The following RASL12 variants were observed in gnomAD, a reference collection of about 807,000 sequenced individuals.
RASL12 encodes ras-like protein family member 12.
In RASL12, 16 loss-of-function variants were observed where a neutral mutation model predicts 22.9. The ratio of observed to expected loss-of-function variants is 0.70; its 90% CI spans 0.47 to 1.06. The LOEUF is 1.06. RASL12 is among the 50% of genes least tolerant of loss of function. The pLI, the probability that RASL12 is intolerant of heterozygous loss-of-function variation, is 0.00. For missense variants in RASL12, 306 were observed against 353.1 expected (o/e 0.87, Z 1.07); for synonymous variants, 159 against 152.2 (o/e 1.04, Z -0.33).
At position 65,054,495 on chromosome 15, in the gene RASL12, T is replaced by C; in HGVS notation, c.*404A>G. The C allele has an allele frequency of 1.0e-6, 1 of 1,002,966 alleles. No homozygotes were observed. The highest frequency in any genetic ancestry group is 1.2e-6 in the Non-Finnish European group (1 of 841,486). 62.1% of individuals were successfully genotyped at this position (1,002,966 alleles called of 1,614,324 possible). On this transcript the variant is annotated 3_prime_UTR_variant, in exon 5 of 5. Coordinates refer to ENST00000220062, the MANE Select transcript of RASL12 (RefSeq NM_016563.4). ...GACCCCAGGCTGTCATTCCGCAGGCTGTTCTCGGGCCTGACATTGACAGAG... is the reference window on the plus strand; with the variant it reads ...GACCCCAGGCTGTCATTCCGCAGGCCGTTCTCGGGCCTGACATTGACAGAG...
chr15:65,068,326 C>G, upstream of RASL12: 1 of 982,792 alleles, frequency 1.0e-6, no homozygotes, highest in Non-Finnish European at 1.2e-6. The surrounding 1 kb of genome is among the most constrained non-coding windows in gnomAD (Gnocchi z 4.2). Flanking sequence ...TCCCTTTGTT[C>G]TACCAAGCCA....
intron 1 of RASL12, among the ~76,000 whole-genome samples, chr15:65,075,359 CT>C (rs971618421): frequency 3.9e-5 from 6 of 152,242 alleles, no homozygotes; most frequent in African/African-American, 1.4e-4. Context: ...GCACTACCCC[CT>C]GCTCCACGGT....
Position 65,054,606 on chromosome 15 carries a change from G to C in RASL12, c.*293C>G. 8.0e-7 allele frequency: 1 copy of C among 1,256,270 alleles called. No homozygotes were observed. Among genetic ancestry groups the C allele is most frequent in the Non-Finnish European group, 1.0e-6 (1 of 994,168 alleles). 77.8% of individuals were successfully genotyped at this position (1,256,270 alleles called of 1,614,324 possible). A position where few individuals can be genotyped will look rare whatever the true frequency, so the allele number is the denominator to read the frequency against. ...GGCTGATGGCAGCAGGATAGACACTGCAATTTCTTCCTACTTAAGGCTGAC... is the reference window on the plus strand; with the variant it reads ...GGCTGATGGCAGCAGGATAGACACTCCAATTTCTTCCTACTTAAGGCTGAC... On this transcript the variant is annotated 3_prime_UTR_variant, in exon 5 of 5. Transcript: ENST00000220062.
At position 65,054,698 on chromosome 15, in the gene RASL12, A is replaced by C; in HGVS notation, c.*201T>G. The C allele has an allele frequency of 7.1e-7, 1 of 1,399,414 alleles. No individual in the cohort carries two copies. Among genetic ancestry groups the C allele is most frequent in the South Asian group, 1.7e-5 (1 of 57,346 alleles). 86.7% of individuals were successfully genotyped at this position (1,399,414 alleles called of 1,614,324 possible). A position where few individuals can be genotyped will look rare whatever the true frequency, so the allele number is the denominator to read the frequency against. The stretch of plus-strand genomic sequence containing the variant: ...GCCACAGACGCGGTGGTTACCATGA[A>C]GACCAAGGCCTGGAGGGAACAGAAG... On this transcript the variant is annotated 3_prime_UTR_variant, in exon 5 of 5. Transcript: ENST00000220062.
intron 2 of RASL12, among the ~76,000 whole-genome samples, chr15:65,059,952 G>A (rs75627649): frequency 0.055 from 8,401 of 152,314 alleles, 762 homozygotes; most frequent in African/African-American, 0.19. Flanking sequence ...CAGCAGGGGA[G>A]TCTAGTGTAG....
At position 65,059,453 on chromosome 15, in the gene RASL12, T is replaced by C. The variant is rs372693851; in HGVS notation, c.161-35A>G. 1.8e-4 allele frequency: 283 copies of C among 1,545,988 alleles called. 2 individuals are homozygous for C. In the South Asian group the frequency reaches 2.8e-3, roughly 15 times the overall value. Reference sequence around the variant, plus strand: ...AGATGGTTAGCCAGGTCAGACACAGTGCCTTGGGTGTAAGTTTGAGCTTCC... The same window carrying C: ...AGATGGTTAGCCAGGTCAGACACAGCGCCTTGGGTGTAAGTTTGAGCTTCC... On this transcript the variant is annotated intron_variant, in intron 2 of 4. Coordinates refer to ENST00000220062, the MANE Select transcript of RASL12 (RefSeq NM_016563.4).
chr15:65,053,477 G>T lies in RASL12; in HGVS notation c.*1422C>A, dbSNP rs1215407690. 8.7e-7 allele frequency: 1 copy of T among 1,146,820 alleles called. No individual in the cohort carries two copies. Among genetic ancestry groups the T allele is most frequent in the East Asian group, 6.0e-5 (1 of 16,800 alleles). 71.0% of individuals were successfully genotyped at this position (1,146,820 alleles called of 1,614,324 possible). ...AGCAAAAGTGCAAAATCCGTAGCTGGCCTGTGGGTCGGGAAGCCTGTAGGA... is the reference window on the plus strand; with the variant it reads ...AGCAAAAGTGCAAAATCCGTAGCTGTCCTGTGGGTCGGGAAGCCTGTAGGA... On this transcript the variant is annotated 3_prime_UTR_variant, in exon 5 of 5. Transcript: ENST00000220062.
downstream of RASL12, among the ~76,000 whole-genome samples, chr15:65,051,247 G>A (rs1272036366): frequency 1.3e-5 from 2 of 152,134 alleles, no homozygotes; most frequent in Non-Finnish European, 2.9e-5. Context: ...GTAGGCCTCT[G>A]CCCTTCACCC....
At chr15:65,050,830 C>CTTTTTTTTTTTTTTTTTTTTTTTT (rs1206139825), downstream of RASL12, among the ~76,000 whole-genome samples, 12 of 48,534 alleles carry the variant, frequency 2.5e-4, no homozygotes, top group African/African-American at 6.4e-4. Flanking sequence ...CTTTCTTCTT[C>CTTTTTTTTTTTTTTTTTTTTTTTT]TTCTTCTTTT....
In RASL12 at chr15:65,067,761, G is replaced by A; in HGVS notation, c.75C>T (p.Ile25=). Residue 25 remains isoleucine, a synonymous_variant, in exon 1 of 5, where the codon ATC becomes ATT. Coordinates refer to ENST00000220062, the MANE Select transcript of RASL12 (RefSeq NM_016563.4). ...QSAPLEVNLA[I]LGRRGAGKSA... The stretch of plus-strand genomic sequence containing the variant: ...ACTTGCCAGCCCCGCGGCGCCCCAG[G>A]ATGGCCAGGTTGACCTCGAGGGGCG... The A allele has an allele frequency of 6.3e-7, 1 of 1,577,310 alleles. No homozygotes were observed. The highest frequency in any genetic ancestry group is 8.6e-7 in the Non-Finnish European group (1 of 1,164,360).
In RASL12 at chr15:65,054,716, A is replaced by C; in HGVS notation, c.*183T>G. ...ACCATGAAGACCAAGGCCTGGAGGG[A>C]ACAGAAGCAGCATCCCTGCCTGCCA... On this transcript the variant is annotated 3_prime_UTR_variant, in exon 5 of 5. Coordinates refer to ENST00000220062, the MANE Select transcript of RASL12 (RefSeq NM_016563.4). 7.0e-7 allele frequency: 1 copy of C among 1,426,826 alleles called. No individual in the cohort carries two copies. Among genetic ancestry groups the C allele is most frequent in the South Asian group, 1.5e-5 (1 of 64,522 alleles). The allele number at this position is 1,426,826 out of a possible 1,614,324, so 88.4% of individuals were successfully genotyped here.
downstream of RASL12, chr15:65,053,274 TTTTC>T (rs914113158): frequency 6.5e-5 from 94 of 1,450,588 alleles, no homozygotes; most frequent in Middle Eastern, 2.2e-4. Flanking sequence ...GCTTTTTTCT[TTTTC>T]TTTCTTTCTT....
chr15:65,052,875 T>G (rs2086672883), downstream of RASL12: 2 of 1,199,682 alleles, frequency 1.7e-6, no homozygotes, highest in Admixed American at 4.4e-5. Flanking sequence ...CATAGAGAAT[T>G]TTCCCCTTAG....
chr15:65,051,532 T>G (rs745704754), downstream of RASL12: 2 of 1,613,700 alleles, frequency 1.2e-6, no homozygotes, highest in South Asian at 2.2e-5. Context: ...CTGGAATCAT[T>G]CCATCCTTGC....
chr15:65,047,601 G>A, the RASL12 span, among the ~76,000 whole-genome samples: 2 of 152,256 alleles, frequency 1.3e-5, no homozygotes, highest in Admixed American at 1.3e-4. Flanking sequence ...TGTGGCTGAT[G>A]TTACTAATCA....
Position 65,053,601 on chromosome 15 carries a change from C to A in RASL12, c.*1298G>T. On this transcript the variant is annotated 3_prime_UTR_variant, in exon 5 of 5. Transcript: ENST00000220062. ...AAGACTGGGTCAGAGATGCTGTTTG[C>A]AATCCAACAGTAGTCCTGAGACGGC... The A allele has an allele frequency of 1.0e-6, 1 of 997,488 alleles. No individual in the cohort carries two copies. The highest frequency in any genetic ancestry group is 1.2e-6 in the Non-Finnish European group (1 of 837,502). 61.8% of individuals were successfully genotyped at this position (997,488 alleles called of 1,614,324 possible).
chr15:65,061,009 A>G (rs945727991), intron 2 of RASL12, among the ~76,000 whole-genome samples: 1 of 152,248 alleles, frequency 6.6e-6, no homozygotes, highest in East Asian at 1.9e-4. Flanking sequence ...AGATGCTTAC[A>G]TCGCTTTCAG....
intron 1 of RASL12, among the ~76,000 whole-genome samples, 177 bp downstream of exon 1, chr15:65,067,556 A>G (rs572693280): frequency 7.9e-5 from 12 of 152,234 alleles, no homozygotes; most frequent in African/African-American, 2.9e-4. Context: ...GAGAGAAGAG[A>G]AAGCCCGGCA....
intron 1 of RASL12, among the ~76,000 whole-genome samples, chr15:65,066,433 T>G (rs2086880206): frequency 6.6e-6 from 1 of 151,988 alleles, no homozygotes; most frequent in Non-Finnish European, 1.5e-5. Context: ...GAAGATCACT[T>G]GAGCTCAGGA....
Sources: allele counts gnomAD v4.1 joint callset (sites outside exome capture counted in the v4.1 genomes callset), GRCh38; gene constraint gnomAD v4.1.1; non-coding constraint Gnocchi (gnomAD v3.1); transcripts MANE v1.5; gene names NCBI Gene and HGNC (gene_info 2026-07-23, HGNC 2026-07-21).